The following IQGAP1 variants were observed in gnomAD, a reference collection of about 807,000 sequenced individuals.
IQGAP1 encodes ras GTPase-activating-like protein IQGAP1.
In IQGAP1, 66 loss-of-function variants were observed where a neutral mutation model predicts 215.6. That is an observed-to-expected ratio of 0.31 (90% CI 0.25 to 0.38). The LOEUF is 0.38. Among genes scored for constraint, IQGAP1 ranks in the 10% least tolerant of loss-of-function variants. The probability of loss-of-function intolerance (pLI) is 1.00; values close to 1 mark genes in which losing one functional copy is unlikely to be tolerated. For synonymous variants in IQGAP1, 772 were observed against 728.7 expected (o/e 1.06, Z -0.96); for missense variants, 1,712 against 1,997.1 (o/e 0.86, Z 2.72).
chr15:90,461,588 C>T (rs571463192), intron 15 of IQGAP1, among the ~76,000 whole-genome samples: 2 of 152,180 alleles, frequency 1.3e-5, no homozygotes, highest in South Asian at 2.1e-4. Flanking sequence ...CCTATAATCC[C>T]GGCACTTTGG....
At chr15:90,480,817 C>T (rs1365252943) in intron 26 of IQGAP1, among the ~76,000 whole-genome samples, 2 of 152,084 alleles carry the variant, frequency 1.3e-5, no homozygotes, top group Admixed American at 6.6e-5. Context: ...TACAGGCATG[C>T]GCCACACGCC....
At chr15:90,455,380 C>T (rs1965664340) in intron 14 of IQGAP1, among the ~76,000 whole-genome samples, 1 of 152,170 alleles carries the variant, frequency 6.6e-6, no homozygotes, top group East Asian at 1.9e-4. Flanking sequence ...TCCTTAAACT[C>T]TCATGAGGCC....
At chr15:90,437,316 A>G (rs961242448) in intron 5 of IQGAP1, among the ~76,000 whole-genome samples, 3 of 152,202 alleles carry the variant, frequency 2.0e-5, no homozygotes, top group Non-Finnish European at 4.4e-5. Flanking sequence ...ACAATTTGAC[A>G]TGAGATTTGG....
chr15:90,405,344 T>C (rs1424512552), intron 2 of IQGAP1, among the ~76,000 whole-genome samples: 1 of 152,230 alleles, frequency 6.6e-6, no homozygotes, highest in Non-Finnish European at 1.5e-5. Context: ...GCAAGTTATA[T>C]TGTAATGCTA....
intron 1 of IQGAP1, among the ~76,000 whole-genome samples, chr15:90,388,634 G>C (rs1477077975): frequency 6.6e-6 from 1 of 152,132 alleles, no homozygotes; most frequent in Non-Finnish European, 1.5e-5. Context: ...CTGGGGCCGC[G>C]GTAGGGGGAG....
At chr15:90,411,367 A>AC (rs1403174778) in intron 2 of IQGAP1, among the ~76,000 whole-genome samples, 1 of 151,284 alleles carries the variant, frequency 6.6e-6, no homozygotes. Context: ...CAGCCACAAC[A>AC]CCCCCAGGCT....
At chr15:90,430,670 A>G (rs901963649) in intron 4 of IQGAP1, among the ~76,000 whole-genome samples, 8 of 152,040 alleles carry the variant, frequency 5.3e-5, no homozygotes, top group African/African-American at 1.9e-4. Context: ...AAAATTTGTA[A>G]GGAGATAAAA....
chr15:90,483,416 A>G lies in IQGAP1; in HGVS notation c.3611A>G (p.Asp1204Gly). 2 of 1,614,142 alleles carry G rather than the reference A, an allele frequency of 1.2e-6. No homozygotes were observed. The highest frequency in any genetic ancestry group is 1.7e-6 in the Non-Finnish European group (2 of 1,180,018). Residue 1204 changes from aspartate (D) to glycine (G), a missense_variant, in exon 29 of 38, where the codon GAT (aspartate) becomes GGT (glycine). Asp to Gly is a moderately conservative substitution (Grantham distance 94). Around this residue, in one of 2 missense-constraint regions of IQGAP1, gnomAD observed 691 missense variants for 923.0 expected, o/e 0.75. Transcript: ENST00000268182. ...ATGAATCCAGCCATTGTTGCTCCTG[A>G]TGCCTTTGACATCATTGACCTGTCA... is the stretch of plus-strand genomic sequence containing the variant. ...RYMNPAIVAP[D>G]AFDIIDLSAG...
intron 9 of IQGAP1, among the ~76,000 whole-genome samples, chr15:90,444,710 G>A (rs1965502711): frequency 6.6e-6 from 1 of 152,176 alleles, no homozygotes; most frequent in Non-Finnish European, 1.5e-5. Context: ...AACTCACCAT[G>A]ACTACTTCAT....
At chr15:90,460,603 G>A (rs1362142023) in intron 15 of IQGAP1, among the ~76,000 whole-genome samples, 2 of 152,056 alleles carry the variant, frequency 1.3e-5, no homozygotes, top group African/African-American at 4.8e-5. Flanking sequence ...TTGGAATAGG[G>A]GAGTTTAAAG....
intron 3 of IQGAP1, among the ~76,000 whole-genome samples, chr15:90,426,967 A>AAG (rs1965232116): frequency 6.6e-6 from 1 of 151,578 alleles, no homozygotes; most frequent in Non-Finnish European, 1.5e-5. Flanking sequence ...AAAAAAAAAA[A>AAG]AAAGAAAGCC....
intron 18 of IQGAP1, among the ~76,000 whole-genome samples, chr15:90,469,561 A>AATGGAAG (rs1491507832): frequency 6.6e-6 from 1 of 152,228 alleles, no homozygotes; most frequent in Non-Finnish European, 1.5e-5. Context: ...AATATGTATC[A>AATGGAAG]GAGAGTCTCT....
At chr15:90,451,218 G>A (rs1965599729) in intron 11 of IQGAP1, among the ~76,000 whole-genome samples, 1 of 152,162 alleles carries the variant, frequency 6.6e-6, no homozygotes, top group Non-Finnish European at 1.5e-5. Flanking sequence ...TTATTGAAGA[G>A]ACTGTCTGTC....
At chr15:90,435,157 G>A (rs777256201) in intron 5 of IQGAP1, among the ~76,000 whole-genome samples, 5 of 151,728 alleles carry the variant, frequency 3.3e-5, no homozygotes, top group Non-Finnish European at 5.9e-5. Flanking sequence ...TGGATCTCGT[G>A]TTGAGAATGT....
At position 90,482,273 on chromosome 15, in the gene IQGAP1, C is replaced by T. The variant is rs749047847; in HGVS notation, c.3547C>T (p.Leu1183=). ...GTTCCCTGATGCTGGTGAGGATGAG[C>T]TGCTGAAGGTAAGAATCTCATAGCC... ...EKFPDAGEDE[L]LKIIGNLLYY... Residue 1183 remains leucine, a synonymous_variant, in exon 28 of 38, where the codon CTG becomes TTG. Transcript: ENST00000268182. The T allele has an allele frequency of 2.7e-5, 44 of 1,613,998 alleles. No homozygotes were observed. The highest frequency in any genetic ancestry group is 3.5e-5 in the Non-Finnish European group (41 of 1,179,978).
In IQGAP1 at chr15:90,421,492, C is replaced by T. The variant is rs190736502; in HGVS notation, c.156-4618C>T. On this transcript the variant is annotated intron_variant, in intron 2 of 37. Transcript: ENST00000268182. ...CTCCGTTTCAAAAAAAAAAAAAAAG[C>T]TAGAGATATGGTTTAGCAGCTCTAT... is the stretch of plus-strand genomic sequence containing the variant. Among the ~76,000 whole-genome samples, 842 of 150,676 alleles carry T rather than the reference C, an allele frequency of 5.6e-3. 6 individuals are homozygous for T. Among genetic ancestry groups the T allele is most frequent in the African/African-American group, 0.02 (812 of 40,920 alleles).
At chr15:90,392,431 G>A (rs1964648139) in intron 2 of IQGAP1, among the ~76,000 whole-genome samples, 1 of 152,220 alleles carries the variant, frequency 6.6e-6, no homozygotes, top group East Asian at 1.9e-4. Context: ...TTTGGAAGCT[G>A]CAGCTGTTCT....
At chr15:90,434,756 C>A (rs911198876) in intron 5 of IQGAP1, among the ~76,000 whole-genome samples, 4 of 152,084 alleles carry the variant, frequency 2.6e-5, no homozygotes, top group African/African-American at 9.7e-5. Context: ...ATCTGAAATG[C>A]AGAATGCTCC....
chr15:90,425,314 G>T (rs1965205582), intron 2 of IQGAP1, among the ~76,000 whole-genome samples: 1 of 150,926 alleles, frequency 6.6e-6, no homozygotes, highest in Admixed American at 6.6e-5. Flanking sequence ...TGTCTCAAAA[G>T]AAAAAAGAAG....
Sources: allele counts gnomAD v4.1 joint callset (sites outside exome capture counted in the v4.1 genomes callset), GRCh38; gene constraint gnomAD v4.1.1; regional missense constraint gnomAD v4.1.1; transcripts MANE v1.5; gene names NCBI Gene and HGNC (gene_info 2026-07-23, HGNC 2026-07-21).